DNAH14: variants seen among roughly 807,000 people sequenced by gnomAD.
DNAH14 encodes dynein axonemal heavy chain 14, also known as axonemal beta dynein heavy chain 14.
Under a neutral mutation model 520.9 loss-of-function variants are expected in DNAH14, and 478 were observed. That is an observed-to-expected ratio of 0.92 (90% CI 0.85 to 0.99). The LOEUF (loss-of-function observed/expected upper bound fraction) is 0.99. DNAH14 is among the 50% of genes least tolerant of loss of function. The pLI is 0.00. For synonymous variants in DNAH14, 1,581 were observed against 1,757.2 expected, an observed-to-expected ratio of 0.90 and a Z score of 2.51; for missense variants, 4,831 against 5,234.5, an observed-to-expected ratio of 0.92 and a Z score of 2.38.
intron 60 of DNAH14, among the ~76,000 whole-genome samples, chr1:225,312,875 G>C (rs558077651): frequency 6.6e-6 from 1 of 152,190 alleles, no homozygotes; most frequent in East Asian, 1.9e-4. Flanking sequence ...TCACATCAAT[G>C]TTCATCAGGG....
chr1:225,287,720 C>T (rs2093779179), intron 54 of DNAH14, among the ~76,000 whole-genome samples: 2 of 151,786 alleles, frequency 1.3e-5, no homozygotes, highest in African/African-American at 4.9e-5. Context: ...ATAAAAGGAA[C>T]CAGGACTCCT....
chr1:225,049,750 T>A (rs1558787850), intron 15 of DNAH14, among the ~76,000 whole-genome samples: 4 of 148,794 alleles, frequency 2.7e-5, no homozygotes, highest in African/African-American at 9.9e-5. Context: ...TGAGGTTTGT[T>A]TATCTATCTG....
At chr1:225,089,223 C>T (rs1470703824) in intron 21 of DNAH14, among the ~76,000 whole-genome samples, 1 of 152,048 alleles carries the variant, frequency 6.6e-6, no homozygotes, top group African/African-American at 2.4e-5. Context: ...GCAGGCGGAT[C>T]ACCTGAGGTC....
At chr1:224,994,573 G>C (rs1433532115) in intron 8 of DNAH14, among the ~76,000 whole-genome samples, 2 of 152,006 alleles carry the variant, frequency 1.3e-5, no homozygotes, top group Admixed American at 1.3e-4. Flanking sequence ...TAAAAGTGCA[G>C]TAAATGAGTG....
Position 225,156,840 on chromosome 1 carries a change from A to G in DNAH14, c.5274-2474A>G, listed in dbSNP as rs1335749953. On this transcript the variant is annotated intron_variant, in intron 34 of 85. Coordinates refer to ENST00000682510, the MANE Select transcript of DNAH14 (RefSeq NM_001367479.1). ...CGCCATTCTCCTGCCTCAGCCTCCC[A>G]AGTAGCTGGGACTACAGGCGCCCGC... is the stretch of plus-strand genomic sequence containing the variant. Among the ~76,000 whole-genome samples, 4 of 129,754 alleles carry G rather than the reference A, an allele frequency of 3.1e-5. 1 individual carries two copies. Among genetic ancestry groups the G allele is most frequent in the Admixed American group, 2.5e-4 (3 of 12,196 alleles). 85.1% of individuals were successfully genotyped at this position (129,754 alleles called of 152,430 possible).
chr1:225,243,184 G>A (rs1407473284), intron 43 of DNAH14, among the ~76,000 whole-genome samples: 2 of 152,008 alleles, frequency 1.3e-5, no homozygotes, highest in Admixed American at 6.6e-5. Flanking sequence ...TGCTCTTCCT[G>A]TAAACTAAAA....
In DNAH14 at chr1:225,227,297, G is replaced by A. The variant is rs183472725; in HGVS notation, c.6440-3776G>A. Among the ~76,000 whole-genome samples the A allele has an allele frequency of 2.3e-3, 352 of 152,098 alleles. 2 individuals carry two copies. The highest frequency in any genetic ancestry group is 8.0e-3 in the African/African-American group (332 of 41,516). On this transcript the variant is annotated intron_variant, in intron 41 of 85. Transcript: ENST00000682510. ...TGGGCAGAGGTCCCTGTGGCCTTCC[G>A]CAGTGCATTGTGTCCCTGGGTACTT...
rs1264051089 is a variant in DNAH14 at position 225,192,763 on chromosome 1, T to C, written c.5738T>C (p.Leu1913Pro). ...LNPKCVTLSE[L>P]YGQLDPNTME... ...CCAAAGTGTGTCACTCTCAGTGAAC[T>C]ATATGGACAACTGGATCCTAATACT... The change falls in exon 38 of 86, where the codon CTA becomes CCA. Residue 1913 changes from leucine (L) to proline (P), a missense_variant. Leu to Pro is a moderately conservative substitution (Grantham distance 98). Transcript: ENST00000682510. The C allele has an allele frequency of 6.5e-7, 1 of 1,550,284 alleles. No individual in the cohort carries two copies. The highest frequency in any genetic ancestry group is 2.5e-5 in the East Asian group (1 of 40,744).
intron 72 of DNAH14, among the ~76,000 whole-genome samples, chr1:225,353,286 G>A (rs79283827): frequency 0.041 from 6,284 of 152,076 alleles, 185 homozygotes; most frequent in Middle Eastern, 0.075. Flanking sequence ...CTATTGTGGT[G>A]GTAAGAGGGG....
chr1:225,340,566 T>C lies in DNAH14; in HGVS notation c.10543T>C (p.Leu3515=). Residue 3515 remains leucine, a synonymous_variant, in exon 69 of 86, where the codon TTG becomes CTG. Coordinates refer to ENST00000682510, the MANE Select transcript of DNAH14 (RefSeq NM_001367479.1). ...VTFQGLQDQL[L]STVVTHEVPH... is the part of the protein sequence containing the mutation. ...ATTCCAAGGTTTGCAAGATCAACTC[T>C]TGTCTACTGTGGTAACTCATGAAGT... The C allele has an allele frequency of 6.4e-7, 1 of 1,551,482 alleles. No homozygotes were observed. The highest frequency in any genetic ancestry group is 8.7e-7 in the Non-Finnish European group (1 of 1,146,870).
chr1:225,157,747 A>C (rs2081177818), intron 34 of DNAH14, among the ~76,000 whole-genome samples: 1 of 152,158 alleles, frequency 6.6e-6, no homozygotes, highest in African/African-American at 2.4e-5. Flanking sequence ...TAAAGTCTGG[A>C]ACCCTTTTTT....
intron 43 of DNAH14, among the ~76,000 whole-genome samples, chr1:225,249,733 G>C (rs186492035): frequency 6.6e-6 from 1 of 152,244 alleles, no homozygotes; most frequent in Admixed American, 6.5e-5. Context: ...TATGATCTCC[G>C]TTCCCATTTA....
chr1:224,950,664 T>C (rs544601509), intron 1 of DNAH14, among the ~76,000 whole-genome samples: 2 of 152,366 alleles, frequency 1.3e-5, no homozygotes, highest in Admixed American at 1.3e-4. Flanking sequence ...GGTTAGCATA[T>C]ACTCTCTTGA....
intron 17 of DNAH14, among the ~76,000 whole-genome samples, chr1:225,068,555 A>C (rs2071183030): frequency 1.3e-5 from 2 of 152,170 alleles, no homozygotes; most frequent in African/African-American, 4.8e-5. Context: ...CCATTTTCAC[A>C]ATACTGATTC....
chr1:225,147,462 A>C (rs975218996), intron 31 of DNAH14, among the ~76,000 whole-genome samples: 1 of 152,144 alleles, frequency 6.6e-6, no homozygotes, highest in Non-Finnish European at 1.5e-5. Flanking sequence ...CTTTCAGGCC[A>C]ACTTAGAAGT....
At chr1:225,144,968 G>GGACAGAGAGAGACAGAAAGA (rs2079800698) in intron 29 of DNAH14, among the ~76,000 whole-genome samples, 1 of 151,602 alleles carries the variant, frequency 6.6e-6, no homozygotes, top group Admixed American at 6.6e-5. Context: ...CGAAAGAGAG[G>GGACAGAGAGAGACAGAAAGA]GACAGAGAGA....
At chr1:225,113,277 T>C (rs995993163) in intron 23 of DNAH14, among the ~76,000 whole-genome samples, 4 of 152,154 alleles carry the variant, frequency 2.6e-5, no homozygotes, top group African/African-American at 9.7e-5. Context: ...TCAGAAGAAT[T>C]CTCCAGATTA....
At chr1:225,334,624 A>T (rs953242139) in intron 66 of DNAH14, among the ~76,000 whole-genome samples, 2 of 140,016 alleles carry the variant, frequency 1.4e-5, no homozygotes, top group East Asian at 4.0e-4. Context: ...AGAAAAGTTT[A>T]TTTTTCAATA....
intron 43 of DNAH14, among the ~76,000 whole-genome samples, chr1:225,243,799 C>T (rs1042783651): frequency 2.0e-5 from 3 of 151,918 alleles, no homozygotes; most frequent in South Asian, 4.1e-4. Flanking sequence ...GCAAACAGGA[C>T]AATTTGACAT....
Sources: allele counts gnomAD v4.1 joint callset (sites outside exome capture counted in the v4.1 genomes callset), GRCh38; gene constraint gnomAD v4.1.1; transcripts MANE v1.5; gene names NCBI Gene and HGNC (gene_info 2026-07-23, HGNC 2026-07-21).